CAMKMT: variants seen among roughly 807,000 people sequenced by gnomAD.
CAMKMT encodes CaM KMT.
A neutral mutation model predicts 48.0 loss-of-function variants in CAMKMT; 53 were observed. That is an observed-to-expected ratio of 1.10 (90% CI 0.89 to 1.39). The LOEUF is 1.39. Ranked by LOEUF, CAMKMT falls within the 40% of genes most tolerant of loss-of-function variation. The probability of loss-of-function intolerance (pLI) is 0.00; values close to 1 mark genes in which losing one functional copy is unlikely to be tolerated. For missense variants in CAMKMT, 428 were observed against 402.7 expected, an observed-to-expected ratio of 1.06 and a Z score of -0.54; for synonymous variants, 165 against 152.3, an observed-to-expected ratio of 1.08 and a Z score of -0.61.
intron 7 of CAMKMT, among the ~76,000 whole-genome samples, chr2:44,735,334 C>A (rs1558825962): frequency 6.6e-6 from 1 of 152,154 alleles, no homozygotes; most frequent in Non-Finnish European, 1.5e-5. Flanking sequence ...GCGTTCAGAC[C>A]ATTTTTGTTT....
At chr2:44,373,455 GAATT>G (rs1679377379) in intron 2 of CAMKMT, among the ~76,000 whole-genome samples, 1 of 152,122 alleles carries the variant, frequency 6.6e-6, no homozygotes, top group African/African-American at 2.4e-5. Flanking sequence ...CCATTTTACT[GAATT>G]AATTTTCTCT....
intron 3 of CAMKMT, among the ~76,000 whole-genome samples, chr2:44,652,806 C>G (rs1397103510): frequency 6.6e-6 from 1 of 152,150 alleles, no homozygotes; most frequent in African/African-American, 2.4e-5. Flanking sequence ...AGGAGCCCTG[C>G]AAAGCAGTGC....
chr2:44,614,284 C>T (rs901420991), intron 3 of CAMKMT, among the ~76,000 whole-genome samples: 2 of 152,114 alleles, frequency 1.3e-5, no homozygotes, highest in African/African-American at 4.8e-5. Context: ...CTTCCCTGTG[C>T]CAGGGACTGT....
chr2:44,582,776 G>A (rs1418535921), intron 3 of CAMKMT, among the ~76,000 whole-genome samples: 2 of 152,174 alleles, frequency 1.3e-5, no homozygotes, highest in Non-Finnish European at 2.9e-5. Context: ...ATATTTAGTA[G>A]TTTCCCTCTC....
intron 3 of CAMKMT, among the ~76,000 whole-genome samples, chr2:44,456,303 AG>A (rs1431000050): frequency 6.6e-6 from 1 of 152,218 alleles, no homozygotes; most frequent in East Asian, 1.9e-4. Flanking sequence ...ATCTGACTAT[AG>A]GGTTGGTAAA....
At chr2:44,369,474 A>G (rs1378795276) in intron 1 of CAMKMT, among the ~76,000 whole-genome samples, 2 of 152,222 alleles carry the variant, frequency 1.3e-5, no homozygotes, top group African/African-American at 4.8e-5. Flanking sequence ...TGGGTTTAGC[A>G]TAGTGAATTA....
intron 3 of CAMKMT, among the ~76,000 whole-genome samples, chr2:44,546,678 G>C (rs1320128128): frequency 6.6e-6 from 1 of 152,230 alleles, no homozygotes; most frequent in African/African-American, 2.4e-5. Context: ...GAAATGGGTA[G>C]TTATTAATAG....
Position 44,599,404 on chromosome 2 carries a change from A to G in CAMKMT, c.377-104879A>G, listed in dbSNP as rs1356758965. Among the ~76,000 whole-genome samples, 4 of 152,124 alleles carry G rather than the reference A, an allele frequency of 2.6e-5. No homozygotes were observed. The South Asian group carries it at 6.2e-4, about 24-fold the overall frequency. On this transcript the variant is annotated intron_variant, in intron 3 of 10. Coordinates refer to ENST00000378494, the MANE Select transcript of CAMKMT (RefSeq NM_024766.5). ...AGGAACCAACCTCTGTCAACATTTT[A>G]TAGCTACTGCACTGGTTACAGCTAA...
At chr2:44,384,668 A>G (rs962327536) in intron 2 of CAMKMT, among the ~76,000 whole-genome samples, 1 of 151,980 alleles carries the variant, frequency 6.6e-6, no homozygotes, top group East Asian at 1.9e-4. Flanking sequence ...TTATAAGGTG[A>G]TATGAGTATC....
chr2:44,681,410 TCC>T (rs1283780342), intron 3 of CAMKMT, among the ~76,000 whole-genome samples: 2 of 152,138 alleles, frequency 1.3e-5, no homozygotes, highest in African/African-American at 4.8e-5. Context: ...AGAAGCCCAG[TCC>T]TATTTATTAA....
chr2:44,708,710 T>G (rs1677702864), intron 6 of CAMKMT, among the ~76,000 whole-genome samples: 1 of 152,148 alleles, frequency 6.6e-6, no homozygotes, highest in Admixed American at 6.6e-5. Flanking sequence ...CTGAGTTATT[T>G]CGTGCATGTA....
intron 3 of CAMKMT, among the ~76,000 whole-genome samples, chr2:44,665,416 G>C (rs1674912528): frequency 6.6e-6 from 1 of 152,206 alleles, no homozygotes; most frequent in South Asian, 2.1e-4. Context: ...CCTCAGGCCA[G>C]AGTATACTAT....
intron 6 of CAMKMT, among the ~76,000 whole-genome samples, chr2:44,711,595 C>T (rs1327668942): frequency 2.0e-5 from 3 of 152,252 alleles, no homozygotes; most frequent in Middle Eastern, 3.4e-3. Context: ...GGATTACAGG[C>T]GTGAGCCACT....
At chr2:44,393,975 C>T (rs1017240517) in intron 3 of CAMKMT, among the ~76,000 whole-genome samples, 2 of 152,106 alleles carry the variant, frequency 1.3e-5, no homozygotes, top group African/African-American at 4.8e-5. Context: ...AATTTGGATA[C>T]CATAGTATCT....
chr2:44,694,791 T>A (rs1415770699), intron 3 of CAMKMT, among the ~76,000 whole-genome samples: 1 of 152,174 alleles, frequency 6.6e-6, no homozygotes, highest in Non-Finnish European at 1.5e-5. Context: ...TCAAAAGAAA[T>A]GTGATAAAAC....
chr2:44,689,430 A>G, intron 3 of CAMKMT, among the ~76,000 whole-genome samples: 1 of 151,586 alleles, frequency 6.6e-6, no homozygotes, highest in South Asian at 2.1e-4. Flanking sequence ...TCCCTGTAAC[A>G]CGGCACAGTT....
At chr2:44,510,896 C>T (rs568580894) in intron 3 of CAMKMT, among the ~76,000 whole-genome samples, 9 of 151,842 alleles carry the variant, frequency 5.9e-5, no homozygotes, top group South Asian at 2.1e-4. Context: ...GCTGGAGTTT[C>T]GTGGCATGAT....
Position 44,529,245 on chromosome 2 carries a change from G to T in CAMKMT, c.376+138940G>T, listed in dbSNP as rs886268160. ...TCCTAGATTTTTTAACCTATTTCATGTGTTTCAATCAAATACAGTTATTAT... is the reference window on the plus strand; with the variant it reads ...TCCTAGATTTTTTAACCTATTTCATTTGTTTCAATCAAATACAGTTATTAT... On this transcript the variant is annotated intron_variant, in intron 3 of 10. Coordinates refer to ENST00000378494, the MANE Select transcript of CAMKMT (RefSeq NM_024766.5). 3.9e-5 allele frequency among the ~76,000 whole-genome samples: 6 copies of T among 152,144 alleles called. No homozygotes were observed. The East Asian group carries it at 9.6e-4, about 24-fold the overall frequency.
chr2:44,626,060 G>C (rs1190457119), intron 3 of CAMKMT, among the ~76,000 whole-genome samples: 1 of 152,164 alleles, frequency 6.6e-6, no homozygotes, highest in Non-Finnish European at 1.5e-5. Flanking sequence ...GAAGAAGGCT[G>C]TTGTGATTTT....
Sources: gnomAD v4.1 joint callset for allele counts (sites outside exome capture counted in the v4.1 genomes callset) on GRCh38, gnomAD v4.1.1 for gene constraint, MANE v1.5 for transcripts, NCBI Gene and HGNC (gene_info 2026-07-23, HGNC 2026-07-21) for gene names.